LRCH3: variants seen among roughly 807,000 people sequenced by gnomAD.
The protein encoded by LRCH3 is DISP complex protein LRCH3.
LRCH3 carries 68 observed loss-of-function variants against 104.5 expected under a neutral mutation model. That is an observed-to-expected ratio of 0.65 (90% CI 0.54 to 0.80). The LOEUF (loss-of-function observed/expected upper bound fraction) is 0.80, where lower values mean the gene tolerates loss of function less well. Ranked by LOEUF, LRCH3 falls within the 30% of genes least tolerant of loss-of-function variation. The pLI is 0.00. For missense variants in LRCH3, 951 were observed against 953.9 expected (o/e 1.00, Z 0.04); for synonymous variants, 344 against 361.3 (o/e 0.95, Z 0.54).
At position 197,792,579 on chromosome 3, in the gene LRCH3, A is replaced by T. The variant is rs1310371185; in HGVS notation, c.262+1039A>T. Reference sequence around the variant, plus strand: ...GCCGCCACCACGCCCAGCTAATTTTATATATATATATATATATATATATAT... The same window carrying T: ...GCCGCCACCACGCCCAGCTAATTTTTTATATATATATATATATATATATAT... On this transcript the variant is annotated intron_variant, in intron 1 of 20. Transcript: ENST00000425562. Among the ~76,000 whole-genome samples, 34 of 38,048 alleles carry T rather than the reference A, an allele frequency of 8.9e-4. 1 individual carries two copies. Among genetic ancestry groups the T allele is most frequent in the African/African-American group, 4.6e-3 (30 of 6,548 alleles). The allele number at this position is 38,048 out of a possible 152,430, so 25.0% of individuals were successfully genotyped here. A position where few individuals can be genotyped will look rare whatever the true frequency, so the allele number is the denominator to read the frequency against.
At chr3:197,858,953 A>C in intron 15 of LRCH3, 48 bp downstream of exon 15, 4 of 1,446,698 alleles carry the variant, frequency 2.8e-6, no homozygotes, top group Non-Finnish European at 3.9e-6. Context: ...GAGGAGGTGG[A>C]TATAAGGTCT....
chr3:197,809,870 C>T (rs1560528717), intron 1 of LRCH3, among the ~76,000 whole-genome samples: 1 of 152,118 alleles, frequency 6.6e-6, no homozygotes, highest in Non-Finnish European at 1.5e-5. Flanking sequence ...TCTCTGTCAT[C>T]TTAGTGTTGG....
chr3:197,851,333 T>A (rs1410656110), intron 12 of LRCH3, among the ~76,000 whole-genome samples: 4 of 152,112 alleles, frequency 2.6e-5, no homozygotes, highest in Admixed American at 2.6e-4. Flanking sequence ...ACACTTGAGT[T>A]TCAAAGCAGG....
At chr3:197,874,596 C>CA (rs1712642336) in intron 19 of LRCH3, among the ~76,000 whole-genome samples, 1 of 152,052 alleles carries the variant, frequency 6.6e-6, no homozygotes, top group South Asian at 2.1e-4. Flanking sequence ...CTGAAACCAT[C>CA]CCCCCCAGCT....
At chr3:197,875,040 CG>C (rs61024863) in intron 19 of LRCH3, among the ~76,000 whole-genome samples, 27,896 of 151,784 alleles carry the variant, frequency 0.18, 3,783 homozygotes, top group African/African-American at 0.39. Context: ...AAGTGATTCT[CG>C]TGCCTCAGCC....
intron 15 of LRCH3, among the ~76,000 whole-genome samples, chr3:197,863,041 T>G (rs1741064150): frequency 6.6e-6 from 1 of 152,182 alleles, no homozygotes; most frequent in Non-Finnish European, 1.5e-5. Context: ...TCCTCATTTA[T>G]CTGACCCAAC....
intron 1 of LRCH3, 82 bp downstream of exon 1, chr3:197,791,622 A>G: frequency 1.4e-6 from 2 of 1,420,690 alleles, no homozygotes; most frequent in East Asian, 2.8e-5. Context: ...GATGCGGGGG[A>G]GTTACAGCAG....
At chr3:197,807,371 C>T (rs1732622913) in intron 1 of LRCH3, among the ~76,000 whole-genome samples, 1 of 151,964 alleles carries the variant, frequency 6.6e-6, no homozygotes, top group Admixed American at 6.6e-5. Flanking sequence ...CGCCCGCCAC[C>T]ACGCCCAGCT....
At chr3:197,859,345 C>A (rs76094097) in intron 15 of LRCH3, 4,525 of 176,840 alleles carry the variant, frequency 0.026, 242 homozygotes, top group African/African-American at 0.1. Context: ...TTTATTTTTA[C>A]ATAGCCAGTC....
rs1011309758 is a variant in LRCH3, at chr3:197,883,520, A to G, written c.2209-21A>G. On this transcript the variant is annotated intron_variant, in intron 20 of 20. Transcript: ENST00000425562. This position sits in a 1 kb window ranked among gnomAD's most constrained non-coding sequence, Gnocchi z 4.2. ...CCGATTTTCTTTTTTGTTTGTTTTCATGTTACGTTGTCCCTTTCAGGAGCA... is the reference window on the plus strand; with the variant it reads ...CCGATTTTCTTTTTTGTTTGTTTTCGTGTTACGTTGTCCCTTTCAGGAGCA... 1 of 1,526,710 alleles carries G rather than the reference A, an allele frequency of 6.6e-7. No individual in the cohort carries two copies. The highest frequency in any genetic ancestry group is 2.0e-5 in the Admixed American group (1 of 49,128). 94.6% of individuals were successfully genotyped at this position (1,526,710 alleles called of 1,614,324 possible).
At position 197,867,312 on chromosome 3, in the gene LRCH3, G is replaced by A. The variant is rs769891461; in HGVS notation, c.1873+1093G>A. 1.1e-4 allele frequency among the ~76,000 whole-genome samples: 17 copies of A among 151,948 alleles called. 1 individual carries two copies. Among genetic ancestry groups the A allele is most frequent in the South Asian group, 2.1e-4 (1 of 4,812 alleles). On this transcript the variant is annotated intron_variant, in intron 17 of 20. Coordinates refer to ENST00000425562, the MANE Select transcript of LRCH3 (RefSeq NM_001365715.1). ...CAGGCGCCTGTAATCCCAGCTACTC[G>A]GGAGGCTGAGGCAGAGTCGCTTGAA...
chr3:197,884,645 T>C lies in LRCH3; in HGVS notation c.*979T>C, dbSNP rs1441145079. 1.3e-5 allele frequency: 2 copies of C among 152,316 alleles called. No homozygotes were observed. The highest frequency in any genetic ancestry group is 2.9e-5 in the Non-Finnish European group (2 of 68,112). The allele number at this position is 152,316 out of a possible 1,614,324, so 9.4% of individuals were successfully genotyped here. A position where few individuals can be genotyped will look rare whatever the true frequency, so the allele number is the denominator to read the frequency against. On this transcript the variant is annotated 3_prime_UTR_variant, in exon 21 of 21. Transcript: ENST00000425562. ...GGAACCACTGTTCAAAGCTAGATAT[T>C]TGTATGTTTGCGGGGGAGGGTAATG... is the stretch of plus-strand genomic sequence containing the variant.
chr3:197,869,697 A>T (rs563396196), intron 17 of LRCH3, among the ~76,000 whole-genome samples: 9 of 129,180 alleles, frequency 7.0e-5, no homozygotes. Context: ...AGGAGGTAGA[A>T]AGCGATGCAC....
chr3:197,880,361 G>T, intron 20 of LRCH3: 1 of 660,550 alleles, frequency 1.5e-6, no homozygotes. Flanking sequence ...GGTTTTCAGC[G>T]TTTTATTTTT....
rs769491785 is a variant in LRCH3, at chr3:197,847,448, A to G, written c.1368A>G (p.Ala456=). The change falls in exon 11 of 21, where the codon GCA becomes GCG. Residue 456 remains alanine (A), a synonymous_variant. Transcript: ENST00000425562. ...AEPSSLLSLS[A]SHNQLSHTDL... ...CATCTTCCCTCCTGTCACTATCAGCAAGTCACAATCAGGTAATGTTTAGTA... is the reference window on the plus strand; with the variant it reads ...CATCTTCCCTCCTGTCACTATCAGCGAGTCACAATCAGGTAATGTTTAGTA... The G allele has an allele frequency of 1.2e-6, 2 of 1,600,774 alleles. No individual in the cohort carries two copies. Among genetic ancestry groups the G allele is most frequent in the Non-Finnish European group, 8.5e-7 (1 of 1,175,388 alleles).
At chr3:197,838,244 ACT>A (rs1278053731) in intron 9 of LRCH3, among the ~76,000 whole-genome samples, 1 of 152,196 alleles carries the variant, frequency 6.6e-6, no homozygotes, top group African/African-American at 2.4e-5. Flanking sequence ...ACATAGCGAC[ACT>A]CTGTCTCCAG....
intron 12 of LRCH3, chr3:197,850,333 C>A (rs1194791209): frequency 1.3e-6 from 1 of 768,528 alleles, no homozygotes; most frequent in South Asian, 1.6e-5. Context: ...TCCCAACTCT[C>A]TTTAGGTACC....
intron 15 of LRCH3, among the ~76,000 whole-genome samples, chr3:197,860,489 C>T (rs1411225475): frequency 6.6e-6 from 1 of 152,144 alleles, no homozygotes; most frequent in African/African-American, 2.4e-5. Flanking sequence ...ACAATTGAGG[C>T]CAGGAACTCA....
At chr3:197,862,103 C>T (rs899395090) in intron 15 of LRCH3, among the ~76,000 whole-genome samples, 2 of 152,152 alleles carry the variant, frequency 1.3e-5, no homozygotes, top group African/African-American at 4.8e-5. Context: ...TCAAGTGATT[C>T]TCCTGCCTCA....
Sources: allele counts gnomAD v4.1 joint callset (sites outside exome capture counted in the v4.1 genomes callset), GRCh38; gene constraint gnomAD v4.1.1; non-coding constraint Gnocchi (gnomAD v3.1); transcripts MANE v1.5; gene names NCBI Gene and HGNC (gene_info 2026-07-23, HGNC 2026-07-21).